Variants in SSC5D observed in about 807,000 individuals in gnomAD.
SSC5D encodes the protein soluble scavenger receptor cysteine-rich domain-containing protein SSC5D.
Under a neutral mutation model 104.6 loss-of-function variants are expected in SSC5D, and 106 were observed. The ratio of observed to expected loss-of-function variants is 1.01; its 90% CI spans 0.87 to 1.19. The LOEUF (loss-of-function observed/expected upper bound fraction) is 1.19. Ranked by LOEUF, SSC5D falls within the 50% of genes most tolerant of loss-of-function variation. The pLI is 0.00. For missense variants in SSC5D, 1,993 were observed against 2,153.8 expected (o/e 0.93, Z 1.48); for synonymous variants, 860 against 883.5 (o/e 0.97, Z 0.47).
In SSC5D at chr19:55,518,127, C is replaced by A; in HGVS notation, c.3851C>A (p.Thr1284Asn). Residue 1284 changes from threonine to asparagine, a missense_variant, in exon 14 of 14, where the codon ACC becomes AAC. Transcript: ENST00000389623. Reference protein sequence around the residue: ...MPHPTTTPHPTTTPHPTTTPH... With the variant: ...MPHPTTTPHPNTTPHPTTTPH... ...CATCCCACCACGACCCCTCACCCCA[C>A]CACGACTCCTCACCCCACCACAACC... The A allele has an allele frequency of 1.4e-6, 2 of 1,437,834 alleles. No individual in the cohort carries two copies. Among genetic ancestry groups the A allele is most frequent in the Non-Finnish European group, 1.9e-6 (2 of 1,071,426 alleles). The allele number at this position is 1,437,834 out of a possible 1,614,324, so 89.1% of individuals were successfully genotyped here. A position where few individuals can be genotyped will look rare whatever the true frequency, so the allele number is the denominator to read the frequency against.
In SSC5D at chr19:55,500,372, C is replaced by T. The variant is rs765596311; in HGVS notation, c.2262C>T (p.Asp754=). Residue 754 remains aspartate (D), a synonymous_variant, in exon 10 of 14, where the codon GAC becomes GAT. Transcript: ENST00000389623. This position sits in a 1 kb window ranked among gnomAD's most constrained non-coding sequence, Gnocchi z 4.6. ...AAGGGTCTCCAGAGTCACCCAAAGA[C>T]CCGGCCCCCTCTCCCAGTGTTAGCA... ...IPEGSPESPK[D]PAPSPSVSTT... is the part of the protein sequence containing the mutation. 1.4e-5 allele frequency: 21 copies of T among 1,551,268 alleles called. No homozygotes were observed. In the African/African-American group the frequency reaches 2.3e-4, roughly 17 times the overall value.
At chr19:55,497,781 A>C in intron 8 of SSC5D, 99 bp from the exon 9 acceptor site, 2 of 1,180,554 alleles carry the variant, frequency 1.7e-6, no homozygotes, top group South Asian at 1.6e-5. Flanking sequence ...GCCTAGATGG[A>C]TGAGTGGAAA....
In SSC5D at chr19:55,517,326, C is replaced by A. The variant is rs572738877; in HGVS notation, c.3050C>A (p.Pro1017His). ...CCAGGTCCCTCCGCCTCTCCGGGACCCCCAGGCCCAGCGCTGACCTCTGAC... is the reference window on the plus strand; with the variant it reads ...CCAGGTCCCTCCGCCTCTCCGGGACACCCAGGCCCAGCGCTGACCTCTGAC... ...PSPGPSASPG[P>H]PGPALTSDSS... Residue 1017 changes from proline to histidine, a missense_variant, in exon 14 of 14, where the codon CCC becomes CAC. Coordinates refer to ENST00000389623, the MANE Select transcript of SSC5D (RefSeq NM_001144950.2). The A allele has an allele frequency of 7.7e-6, 12 of 1,550,048 alleles. No individual in the cohort carries two copies. The highest frequency in any genetic ancestry group is 2.4e-5 in the South Asian group (2 of 84,062).
intron 12 of SSC5D, among the ~76,000 whole-genome samples, chr19:55,510,716 T>A (rs1328356706): frequency 6.6e-6 from 1 of 152,040 alleles, no homozygotes; most frequent in African/African-American, 2.4e-5. Context: ...TTTTTCTTTT[T>A]TAATTAATAG....
At chr19:55,490,659 A>G in intron 5 of SSC5D, 113 bp from the exon 6 acceptor site, 2 of 1,259,764 alleles carry the variant, frequency 1.6e-6, no homozygotes, top group Non-Finnish European at 2.1e-6. Context: ...CTGCCGGCGG[A>G]CAGATCTCAG....
At position 55,518,351 on chromosome 19, in the gene SSC5D, A is replaced by G; in HGVS notation, c.4075A>G (p.Lys1359Glu). ...CTCTCCCACTCTAGCACCAACAGTC[A>G]AGCCCAGTCTGCACCCCCAGTTGAC... ...LSSPTLAPTV[K>E]PSLHPQLTFT... Residue 1359 changes from lysine to glutamate, a missense_variant, in exon 14 of 14, where the codon AAG (lysine) becomes GAG (glutamate). Physicochemically the swap from Lys to Glu is moderately conservative, Grantham distance 56. Transcript: ENST00000389623. The G allele has an allele frequency of 5.2e-6, 8 of 1,549,834 alleles. No homozygotes were observed. The highest frequency in any genetic ancestry group is 6.1e-6 in the Non-Finnish European group (7 of 1,146,712).
chr19:55,513,640 C>A (rs559728706), intron 13 of SSC5D, among the ~76,000 whole-genome samples: 3 of 152,162 alleles, frequency 2.0e-5, no homozygotes, highest in South Asian at 4.1e-4. Flanking sequence ...TCGATTTTGC[C>A]CCCAAGGGGA....
intron 12 of SSC5D, among the ~76,000 whole-genome samples, chr19:55,505,583 C>A (rs983096242): frequency 6.6e-6 from 1 of 151,728 alleles, no homozygotes; most frequent in Non-Finnish European, 1.5e-5. Context: ...AGGGGAGAAT[C>A]CATTTCCCTG....
chr19:55,505,108 A>C (rs1253878189), intron 12 of SSC5D, among the ~76,000 whole-genome samples: 1 of 151,724 alleles, frequency 6.6e-6, no homozygotes, highest in Non-Finnish European at 1.5e-5. Flanking sequence ...CCCGGATTAG[A>C]ACTAGTTGGG....
intron 12 of SSC5D, 106 bp downstream of exon 12, chr19:55,501,307 G>A (rs1363637058): frequency 5.2e-6 from 7 of 1,334,358 alleles, no homozygotes; most frequent in East Asian, 5.1e-5. Flanking sequence ...CTGAGGCCTC[G>A]GGGCACCCTG....
Position 55,518,249 on chromosome 19 carries a change from C to T in SSC5D, c.3973C>T (p.Pro1325Ser), listed in dbSNP as rs1568486525. The T allele has an allele frequency of 6.5e-7, 1 of 1,536,670 alleles. No individual in the cohort carries two copies. Among genetic ancestry groups the T allele is most frequent in the Admixed American group, 2.0e-5 (1 of 49,270 alleles). Residue 1325 changes from proline to serine, a missense_variant, in exon 14 of 14, where the codon CCC becomes TCC. Transcript: ENST00000389623. ...TTPDPTTTPH[P>S]TTPDPSSTPV... ...TCCTGATCCCACCACGACCCCTCAC[C>T]CCACAACTCCTGACCCTTCCTCAAC... is the stretch of plus-strand genomic sequence containing the variant.
At chr19:55,513,219 G>C (rs901105234) in intron 13 of SSC5D, 47 bp downstream of exon 13, 1 of 1,443,578 alleles carries the variant, frequency 6.9e-7, no homozygotes, top group African/African-American at 1.4e-5. Context: ...TATTTGTCCT[G>C]GGGTAAAGAG....
rs1354138654 is a variant in SSC5D at position 55,501,039 on chromosome 19, A to G, written c.2623A>G (p.Thr875Ala). 1 of 1,551,828 alleles carries G rather than the reference A, an allele frequency of 6.4e-7. No homozygotes were observed. The highest frequency in any genetic ancestry group is 8.7e-7 in the Non-Finnish European group (1 of 1,147,036). Residue 875 changes from threonine (T) to alanine (A), a missense_variant, in exon 12 of 14, where the codon ACA (threonine) becomes GCA (alanine). Thr to Ala is a moderately conservative substitution (Grantham distance 58). Around this residue, in one of 6 missense-constraint regions of SSC5D, gnomAD observed 423 missense variants for 409.2 expected, o/e 1.03. Coordinates refer to ENST00000389623, the MANE Select transcript of SSC5D (RefSeq NM_001144950.2). The stretch of plus-strand genomic sequence containing the variant: ...TTACCCCAATTTCTCCAAAGGCTAC[A>G]CAGACTATGACGATTATCCCCCCTG... ...EDVGLTCTGY[T>A]DYDDYPPWTW...
Position 55,518,088 on chromosome 19 carries a change from C to T in SSC5D, c.3812C>T (p.Pro1271Leu), listed in dbSNP as rs1216447403. 4 of 1,485,784 alleles carry T rather than the reference C, an allele frequency of 2.7e-6. No individual in the cohort carries two copies. The South Asian group carries it at 4.9e-5, about 18-fold the overall frequency. 92.0% of individuals were successfully genotyped at this position (1,485,784 alleles called of 1,614,324 possible). Residue 1271 changes from proline (P) to leucine (L), a missense_variant, in exon 14 of 14, where the codon CCC (proline) becomes CTC (leucine). Physicochemically the swap from Pro to Leu is moderately conservative, Grantham distance 98 (BLOSUM62 -3). This residue lies in a region of SSC5D where 349 missense variants were observed against 397.6 expected (regional missense o/e 0.88). Transcript: ENST00000389623. ...CCTCAACCCTTCACCACCATGCAGC[C>T]CACCACGATGCCTCATCCCACCACG... The part of the protein sequence containing the change: ...TTPQPFTTMQ[P>L]TTMPHPTTTP...
At chr19:55,512,872 G>C (rs1486226067) in intron 12 of SSC5D, 139 bp from the exon 13 acceptor site, 2 of 1,014,544 alleles carry the variant, frequency 2.0e-6, no homozygotes, top group African/African-American at 3.2e-5. Context: ...AGGTCTCCAC[G>C]AGGTCAGGTA....
At chr19:55,491,102 C>G in intron 6 of SSC5D, 22 bp downstream of exon 6, 1 of 1,538,112 alleles carries the variant, frequency 6.5e-7, no homozygotes. Flanking sequence ...TGGGGCCTGG[C>G]CCCCTCCTGT....
rs907019098 is a variant in SSC5D, at chr19:55,500,413, G to A, written c.2302+1G>A. 6 of 1,549,964 alleles carry A rather than the reference G, an allele frequency of 3.9e-6. No individual in the cohort carries two copies. Among genetic ancestry groups the A allele is most frequent in the Non-Finnish European group, 5.2e-6 (6 of 1,145,822 alleles). On this transcript the variant is annotated splice_donor_variant, in intron 10 of 13. Transcript: ENST00000389623. LOFTEE classifies it high-confidence loss of function. This position sits in a 1 kb window ranked among gnomAD's most constrained non-coding sequence, Gnocchi z 4.6. ...AGTGTTAGCACCACTGGGGAATCAG[G>A]TGAGTGGCCGTGAGGGGTGTGGGGA...
chr19:55,518,863 A>G lies in SSC5D; in HGVS notation c.4587A>G (p.Val1529=), dbSNP rs1229441096. The change falls in exon 14 of 14, where the codon GTA becomes GTG. Residue 1529 remains valine, a synonymous_variant. Coordinates refer to ENST00000389623, the MANE Select transcript of SSC5D (RefSeq NM_001144950.2). The stretch of plus-strand genomic sequence containing the variant: ...TGCTGCTGGGGCTGACGCAGCTGGT[A>G]GAAGCTGCCCGGGGTCTGGGGCAGC... The part of the protein sequence containing the change: ...QALLLGLTQL[V]EAARGLGQLG... The G allele has an allele frequency of 1.9e-6, 3 of 1,550,242 alleles. No individual in the cohort carries two copies. Among genetic ancestry groups the G allele is most frequent in the Non-Finnish European group, 2.6e-6 (3 of 1,146,982 alleles).
At chr19:55,491,291 G>T in intron 6 of SSC5D, 1 of 616,078 alleles carries the variant, frequency 1.6e-6, no homozygotes, top group Non-Finnish European at 2.8e-6. Flanking sequence ...CAGGCTTGAG[G>T]CTTGGGCTAG....
Sources: gnomAD v4.1 joint callset for allele counts (sites outside exome capture counted in the v4.1 genomes callset) on GRCh38, gnomAD v4.1.1 for gene constraint, gnomAD v4.1.1 regional missense constraint, Gnocchi (gnomAD v3.1) non-coding constraint, MANE v1.5 for transcripts, NCBI Gene and HGNC (gene_info 2026-07-23, HGNC 2026-07-21) for gene names.